The following MYB variants were observed in gnomAD, a reference collection of about 807,000 sequenced individuals.
The protein encoded by MYB is transcriptional activator Myb.
In MYB, 28 loss-of-function variants were observed where a neutral mutation model predicts 92.9. The ratio of observed to expected loss-of-function variants is 0.30; its 90% CI spans 0.22 to 0.41. The LOEUF (loss-of-function observed/expected upper bound fraction) is 0.41. MYB is among the 10% of genes least tolerant of loss of function. MYB has a pLI of 1.00. For synonymous variants in MYB, 295 were observed against 329.1 expected, an observed-to-expected ratio of 0.90 and a Z score of 1.12; for missense variants, 679 against 929.3, an observed-to-expected ratio of 0.73 and a Z score of 3.50.
chr6:135,195,389 C>T, intron 8 of MYB: 1 of 263,568 alleles, frequency 3.8e-6, no homozygotes, highest in Non-Finnish European at 7.4e-6. Flanking sequence ...GCAAATAGGA[C>T]AGTTCTTCAG....
At chr6:135,186,463 G>A (rs1212450514) in intron 2 of MYB, among the ~76,000 whole-genome samples, 1 of 152,212 alleles carries the variant, frequency 6.6e-6, no homozygotes, top group East Asian at 1.9e-4. Context: ...AGTCTGTTGA[G>A]GGCAGGGCTC....
rs1335964521 is a variant in MYB, at chr6:135,192,368, G to A, written c.572G>A (p.Arg191Gln). The stretch of plus-strand genomic sequence containing the variant: ...AACCACTGGAATTCTACAATGCGTC[G>A]GAAGGTCGAACAGGAAGGTTATCTG... ...IKNHWNSTMR[R>Q]KVEQEGYLQE... The change falls in exon 6 of 16, where the codon CGG becomes CAG. Residue 191 changes from arginine to glutamine, a missense_variant. Arg to Gln is a conservative substitution (Grantham distance 43). Around this residue, in one of 8 missense-constraint regions of MYB, gnomAD observed 37 missense variants for 98.0 expected, o/e 0.38. Coordinates refer to ENST00000341911, the MANE Select transcript of MYB (RefSeq NM_001130173.2). The A allele has an allele frequency of 6.2e-7, 1 of 1,614,184 alleles. No homozygotes were observed. Among genetic ancestry groups the A allele is most frequent in the Non-Finnish European group, 8.5e-7 (1 of 1,180,018 alleles).
chr6:135,203,410 T>TGGTGGTGGTGGTG, intron 15 of MYB, 86 bp downstream of exon 15: 2 of 1,104,008 alleles, frequency 1.8e-6, no homozygotes. Flanking sequence ...GTGGTGATGG[T>TGGTGGTGGTGGTG]AGTGCTGGTG....
chr6:135,199,518 A>C, intron 11 of MYB: 1 of 1,016,750 alleles, frequency 9.8e-7, no homozygotes, highest in South Asian at 2.6e-5. Context: ...TTTTGAATTT[A>C]TGTGTAGATA....
chr6:135,192,754 G>A (rs1336554816), intron 6 of MYB, among the ~76,000 whole-genome samples, 196 bp downstream of exon 6: 1 of 152,194 alleles, frequency 6.6e-6, no homozygotes, highest in African/African-American at 2.4e-5. Flanking sequence ...CAGAAACGAG[G>A]ATGGTAAGCG....
chr6:135,205,501 GTATTT>G (rs1272262853), intron 15 of MYB, among the ~76,000 whole-genome samples: 1 of 152,080 alleles, frequency 6.6e-6, no homozygotes, highest in African/African-American at 2.4e-5. Flanking sequence ...CAGTATATTT[GTATTT>G]TATTTAATGG....
chr6:135,189,727 C>T (rs1383407297), intron 3 of MYB, 64 bp from the exon 4 acceptor site: 2 of 1,387,882 alleles, frequency 1.4e-6, no homozygotes, highest in Non-Finnish European at 2.0e-6. Context: ...ATTCCTATTA[C>T]AACAAAAAAT....
At chr6:135,183,392 C>G (rs1353194225) in intron 1 of MYB, among the ~76,000 whole-genome samples, 2 of 152,160 alleles carry the variant, frequency 1.3e-5, no homozygotes, top group South Asian at 2.1e-4. Context: ...CACCTCTTTT[C>G]TTTTTCGTTT....
At chr6:135,213,231 T>G (rs962385663) in intron 15 of MYB, among the ~76,000 whole-genome samples, 1 of 152,234 alleles carries the variant, frequency 6.6e-6, no homozygotes, top group African/African-American at 2.4e-5. Flanking sequence ...GCTCTGAGCT[T>G]CAGGGGATAT....
chr6:135,193,964 A>G (rs1235647097), intron 7 of MYB, 46 bp downstream of exon 7: 12 of 1,436,822 alleles, frequency 8.4e-6, no homozygotes, highest in Non-Finnish European at 1.2e-5. Flanking sequence ...CTTTTAAGAA[A>G]TGCTTATTTC....
chr6:135,204,427 T>C (rs1583361817), intron 15 of MYB, among the ~76,000 whole-genome samples: 1 of 152,106 alleles, frequency 6.6e-6, no homozygotes, highest in African/African-American at 2.4e-5. Context: ...GCCTCCCAAT[T>C]AGCTGGAATT....
At chr6:135,184,330 T>G in intron 1 of MYB, among the ~76,000 whole-genome samples, 1 of 150,284 alleles carries the variant, frequency 6.7e-6, no homozygotes, top group Admixed American at 6.6e-5. Flanking sequence ...AGCTTTTTTT[T>G]TTTTTTTTTT....
At position 135,218,918 on chromosome 6, in the gene MYB, G is replaced by A. The variant is rs918590226; in HGVS notation, c.*938G>A. ...GTGTGTTGTTGATGTTCTATGTTTTGTTTTGAGTGTAGCCTGACTGTTTTA... is the reference window on the plus strand; with the variant it reads ...GTGTGTTGTTGATGTTCTATGTTTTATTTTGAGTGTAGCCTGACTGTTTTA... On this transcript the variant is annotated 3_prime_UTR_variant, in exon 16 of 16. Transcript: ENST00000341911. 96 of 228,036 alleles carry A rather than the reference G, an allele frequency of 4.2e-4. No individual in the cohort carries two copies. The highest frequency in any genetic ancestry group is 6.1e-5 in the Non-Finnish European group (7 of 114,574). 14.1% of individuals were successfully genotyped at this position (228,036 alleles called of 1,614,324 possible). A position where few individuals can be genotyped will look rare whatever the true frequency, so the allele number is the denominator to read the frequency against.
At chr6:135,200,775 T>A in intron 13 of MYB, 2 of 289,182 alleles carry the variant, frequency 6.9e-6, no homozygotes, top group South Asian at 3.2e-5. Flanking sequence ...GTATCTTTAA[T>A]TAATTGTATT....
chr6:135,194,361 C>G lies in MYB; in HGVS notation c.849C>G (p.His283Gln). The change falls in exon 8 of 16, where the codon CAC becomes CAG. Residue 283 changes from histidine to glutamine, a missense_variant. By Grantham distance (24) the His-to-Gln change is conservative. Around this residue, in one of 8 missense-constraint regions of MYB, gnomAD observed 43 missense variants for 87.9 expected, o/e 0.49. Transcript: ENST00000341911. The part of the protein sequence containing the change: ...PQPAAAAIQR[H>Q]YNDEDPEKEK... ...CCCTTACTTTGTAATTTCAGAGACACTATAATGATGAAGACCCTGAGAAGG... is the reference window on the plus strand; with the variant it reads ...CCCTTACTTTGTAATTTCAGAGACAGTATAATGATGAAGACCCTGAGAAGG... 6.2e-7 allele frequency: 1 copy of G among 1,606,032 alleles called. No homozygotes were observed. The highest frequency in any genetic ancestry group is 1.1e-5 in the South Asian group (1 of 90,782).
In MYB at chr6:135,190,357, T is replaced by C. The variant is rs774680496; in HGVS notation, c.527+10T>C. 5 of 1,604,982 alleles carry C rather than the reference T, an allele frequency of 3.1e-6. No homozygotes were observed. The highest frequency in any genetic ancestry group is 4.3e-6 in the Non-Finnish European group (5 of 1,172,464). On this transcript the variant is annotated intron_variant, in intron 5 of 15. Transcript: ENST00000341911. This position sits in a 1 kb window ranked among gnomAD's most constrained non-coding sequence, Gnocchi z 4.5. ...AGCTACTGCCTGGACGGTAATAATA[T>C]GTCAAAAAATATATTGATCGGGAAG...
chr6:135,200,696 A>C, intron 13 of MYB: 4 of 410,312 alleles, frequency 9.7e-6, no homozygotes, highest in Non-Finnish European at 1.8e-5. Flanking sequence ...ACTTTTAAAC[A>C]TTACTGATTA....
chr6:135,200,231 G>A, intron 12 of MYB, 32 bp downstream of exon 12: 1 of 1,613,802 alleles, frequency 6.2e-7, no homozygotes, highest in South Asian at 1.1e-5. Flanking sequence ...GGATTTCATT[G>A]GTTTATTAGT....
chr6:135,195,489 T>C, intron 8 of MYB: 1 of 482,492 alleles, frequency 2.1e-6, no homozygotes, highest in Non-Finnish European at 3.7e-6. Context: ...CTTCGAAATA[T>C]AGACCTATGA....
Sources: allele counts gnomAD v4.1 joint callset (sites outside exome capture counted in the v4.1 genomes callset), GRCh38; gene constraint gnomAD v4.1.1; regional missense constraint gnomAD v4.1.1; non-coding constraint Gnocchi (gnomAD v3.1); transcripts MANE v1.5; gene names NCBI Gene and HGNC (gene_info 2026-07-23, HGNC 2026-07-21).